The following LIG1 variants were observed in gnomAD, a reference collection of about 807,000 sequenced individuals.
The protein encoded by LIG1 is DNA ligase 1.
In LIG1, 70 loss-of-function variants were observed where a neutral mutation model predicts 115.7. That is an observed-to-expected ratio of 0.60 (90% CI 0.50 to 0.74). LIG1 has a LOEUF of 0.74. LIG1 is among the 30% of genes least tolerant of loss of function. The pLI is 0.00. For synonymous variants in LIG1, 487 were observed against 495.3 expected (o/e 0.98, Z 0.22); for missense variants, 1,115 against 1,225.6 (o/e 0.91, Z 1.35).
chr19:48,133,420 T>C, intron 17 of LIG1: 1 of 384,380 alleles, frequency 2.6e-6, no homozygotes, highest in Non-Finnish European at 4.9e-6. Context: ...GTGAGCCACA[T>C]TTGATCACAG....
At position 48,150,173 on chromosome 19, in the gene LIG1, C is replaced by T. The variant is rs749747908; in HGVS notation, c.612G>A (p.Glu204=). 4.3e-6 allele frequency: 7 copies of T among 1,614,194 alleles called. No individual in the cohort carries two copies. The highest frequency in any genetic ancestry group is 4.2e-6 in the Non-Finnish European group (5 of 1,180,046). ...CCTGCAGTTCCTGCTTCGTGGCCAC[C>T]TCAGGCTCTGAAACGCTTTCCGTCG... ...ETPTESVSEP[E]VATKQELQEE... Residue 204 remains glutamate, a synonymous_variant, in exon 8 of 28, where the codon GAG becomes GAA. Transcript: ENST00000263274.
At chr19:48,166,607 T>TA (rs1240881633) in intron 1 of LIG1, among the ~76,000 whole-genome samples, 1 of 152,140 alleles carries the variant, frequency 6.6e-6, no homozygotes, top group Middle Eastern at 3.2e-3. Context: ...AATACTTTTT[T>TA]AAAAAGTCTG....
intron 4 of LIG1, among the ~76,000 whole-genome samples, chr19:48,159,565 G>A (rs796860276): frequency 5.3e-5 from 8 of 152,194 alleles, no homozygotes; most frequent in African/African-American, 1.2e-4. Context: ...CTGACCTTCC[G>A]ATAGTGGGAT....
At chr19:48,159,572 G>C (rs747081702) in intron 4 of LIG1, among the ~76,000 whole-genome samples, 1 of 152,174 alleles carries the variant, frequency 6.6e-6, no homozygotes, top group African/African-American at 2.4e-5. Flanking sequence ...TCCGATAGTG[G>C]GATTACCCTG....
intron 2 of LIG1, among the ~76,000 whole-genome samples, chr19:48,165,208 G>A (rs188236722): frequency 6.6e-6 from 1 of 151,988 alleles, no homozygotes; most frequent in Non-Finnish European, 1.5e-5. Flanking sequence ...GCAGTGAGCC[G>A]AGATTGCGCC....
At chr19:48,124,461 G>A (rs1466675784) in intron 21 of LIG1, among the ~76,000 whole-genome samples, 4 of 152,120 alleles carry the variant, frequency 2.6e-5, no homozygotes, top group South Asian at 2.1e-4. Context: ...AGCTGAGCCC[G>A]TGCTACCCAG....
chr19:48,146,883 C>A (rs1294532862), intron 9 of LIG1, among the ~76,000 whole-genome samples: 2 of 152,188 alleles, frequency 1.3e-5, no homozygotes, highest in African/African-American at 4.8e-5. Flanking sequence ...GCCCTACCCC[C>A]ACCTCCCTGT....
chr19:48,138,750 C>G lies in LIG1; in HGVS notation c.1088-1062G>C, dbSNP rs2034557111. 2.0e-5 allele frequency among the ~76,000 whole-genome samples: 3 copies of G among 152,190 alleles called. No homozygotes were observed. In the South Asian group the frequency reaches 6.2e-4, roughly 32 times the overall value. On this transcript the variant is annotated intron_variant, in intron 12 of 27. Transcript: ENST00000263274. ...GCAGGAAAGCCAGCATCTGCAACTT[C>G]TTTTGTGAGAAAAACAGATCCTTCT...
At chr19:48,167,042 A>G (rs2036523487) in intron 1 of LIG1, among the ~76,000 whole-genome samples, 1 of 151,244 alleles carries the variant, frequency 6.6e-6, no homozygotes, top group Non-Finnish European at 1.5e-5. Context: ...AAAACCCAGG[A>G]GTCCAAGAGC....
chr19:48,135,959 T>C (rs2034358235), intron 15 of LIG1, 75 bp downstream of exon 15: 1 of 1,128,934 alleles, frequency 8.9e-7, no homozygotes, highest in Non-Finnish European at 1.2e-6. Flanking sequence ...GGGGCGGGCA[T>C]GGGCCTCTGA....
rs148786962 is a variant in LIG1 at position 48,115,736 on chromosome 19, C to A, written c.2677-4G>T. The A allele has an allele frequency of 6.2e-7, 1 of 1,613,146 alleles. No individual in the cohort carries two copies. The highest frequency in any genetic ancestry group is 8.5e-7 in the Non-Finnish European group (1 of 1,179,238). On this transcript the variant is annotated splice_polypyrimidine_tract_variant and splice_region_variant and intron_variant, in intron 27 of 27. Coordinates refer to ENST00000263274, the MANE Select transcript of LIG1 (RefSeq NM_000234.3). Reference sequence around the variant, plus strand: ...GCTTCCGGTACAAACAGGCCACCTGCGGAGAGAGGGTGGGACGGGGTGGTC... The same window carrying A: ...GCTTCCGGTACAAACAGGCCACCTGAGGAGAGAGGGTGGGACGGGGTGGTC...
chr19:48,117,070 G>A (rs2032890504), intron 26 of LIG1, among the ~76,000 whole-genome samples: 1 of 152,168 alleles, frequency 6.6e-6, no homozygotes, highest in African/African-American at 2.4e-5. Flanking sequence ...CTGACCTCAA[G>A]TGATCTGCCT....
intron 4 of LIG1, chr19:48,161,166 C>A (rs2036151366): frequency 1.5e-6 from 1 of 658,018 alleles, no homozygotes; most frequent in Admixed American, 2.4e-5. Context: ...CATCCAAGAC[C>A]TAACGTGGTG....
intron 6 of LIG1, among the ~76,000 whole-genome samples, chr19:48,152,306 A>T (rs910894743): frequency 2.0e-5 from 3 of 152,064 alleles, no homozygotes; most frequent in Non-Finnish European, 4.4e-5. Context: ...TAATTTTGGT[A>T]GGGATGGGGT....
At chr19:48,159,123 G>T (rs868130332) in intron 4 of LIG1, among the ~76,000 whole-genome samples, 74 of 150,530 alleles carry the variant, frequency 4.9e-4, no homozygotes, top group African/African-American at 1.7e-3. Context: ...TGTTGTTCAG[G>T]CTGGAGTGCA....
intron 16 of LIG1, among the ~76,000 whole-genome samples, chr19:48,135,400 G>GCGCT (rs2034313389): frequency 6.6e-6 from 1 of 152,140 alleles, no homozygotes; most frequent in Non-Finnish European, 1.5e-5. Flanking sequence ...GGGATTACAG[G>GCGCT]CGTGAGCCAC....
chr19:48,163,901 C>T (rs867702891), intron 2 of LIG1, among the ~76,000 whole-genome samples: 37 of 146,818 alleles, frequency 2.5e-4, no homozygotes, highest in South Asian at 2.4e-3. Flanking sequence ...GCCAAGATCG[C>T]GCCACTGCAC....
intron 1 of LIG1, among the ~76,000 whole-genome samples, chr19:48,167,247 C>T (rs1313160966): frequency 2.0e-5 from 3 of 151,550 alleles, no homozygotes; most frequent in Non-Finnish European, 2.9e-5. Flanking sequence ...TAATTATTTA[C>T]ATTATATTTC....
At position 48,123,300 on chromosome 19, in the gene LIG1, G is replaced by T; in HGVS notation, c.2023C>A (p.Leu675Ile). The change falls in exon 22 of 28, where the codon CTT (leucine) becomes ATT (isoleucine). Residue 675 changes from leucine (L) to isoleucine (I), a missense_variant. Transcript: ENST00000263274. ...LNGESLVREP[L>I]SRRRQLLREN... ...CGGAGCAGCTGCCGGCGCCGGGAAA[G>T]GGGCTCACGTACCAGGGACTGCAGG... 1 of 1,613,718 alleles carries T rather than the reference G, an allele frequency of 6.2e-7. No individual in the cohort carries two copies.
Sources: allele counts gnomAD v4.1 joint callset (sites outside exome capture counted in the v4.1 genomes callset), GRCh38; gene constraint gnomAD v4.1.1; transcripts MANE v1.5; gene names NCBI Gene and HGNC (gene_info 2026-07-23, HGNC 2026-07-21).